HPSE2: variants seen among roughly 807,000 people sequenced by gnomAD.
HPSE2 encodes heparanase 2 (inactive), also known as inactive heparanase-2.
Under a neutral mutation model 60.5 loss-of-function variants are expected in HPSE2, and 38 were observed. That is an observed-to-expected ratio of 0.63 (90% CI 0.48 to 0.82). The LOEUF is 0.82. Among genes scored for constraint, HPSE2 ranks in the 40% least tolerant of loss-of-function variants. The pLI, the probability that HPSE2 is intolerant of heterozygous loss-of-function variation, is 0.00. For missense variants in HPSE2, 713 were observed against 740.4 expected, an observed-to-expected ratio of 0.96 and a Z score of 0.43; for synonymous variants, 295 against 293.2, an observed-to-expected ratio of 1.01 and a Z score of -0.06.
chr10:98,561,824 G>A (rs916889889), intron 9 of HPSE2, among the ~76,000 whole-genome samples: 2 of 151,238 alleles, frequency 1.3e-5, no homozygotes, highest in African/African-American at 4.9e-5. Context: ...CTGTAGCCTG[G>A]GCGATAGAGC....
chr10:99,000,648 G>A (rs1471587667), intron 3 of HPSE2, among the ~76,000 whole-genome samples: 1 of 152,080 alleles, frequency 6.6e-6, no homozygotes, highest in Non-Finnish European at 1.5e-5. Context: ...ATTCAGGCAA[G>A]TAATTAGGAA....
chr10:98,887,317 C>T (rs369689433), intron 3 of HPSE2, among the ~76,000 whole-genome samples: 1 of 152,108 alleles, frequency 6.6e-6, no homozygotes, highest in Non-Finnish European at 1.5e-5. Flanking sequence ...GGCCTACTAG[C>T]TCCACTATTG....
At chr10:99,313,019 C>T in the HPSE2 span, among the ~76,000 whole-genome samples, 2 of 152,192 alleles carry the variant, frequency 1.3e-5, no homozygotes, top group Non-Finnish European at 2.9e-5. Flanking sequence ...ATCCTGTTCC[C>T]TCTTCACCTT....
chr10:98,880,891 T>C (rs760960902), intron 3 of HPSE2, among the ~76,000 whole-genome samples: 6 of 152,076 alleles, frequency 3.9e-5, no homozygotes, highest in Non-Finnish European at 8.8e-5. Context: ...TTTCTTAGTT[T>C]GTTTTGTCAG....
intron 3 of HPSE2, among the ~76,000 whole-genome samples, chr10:98,806,183 A>G (rs1285573473): frequency 1.3e-5 from 2 of 152,210 alleles, no homozygotes; most frequent in African/African-American, 4.8e-5. Context: ...TGATCACCAG[A>G]ACTCTATTAG....
intron 11 of HPSE2, among the ~76,000 whole-genome samples, chr10:98,473,609 A>G (rs778875868): frequency 1.4e-4 from 21 of 152,118 alleles, no homozygotes; most frequent in Non-Finnish European, 2.4e-4. Context: ...AGTGGATTCT[A>G]AGGTGAGCAA....
At chr10:99,031,512 G>A (rs1200289619) in intron 3 of HPSE2, among the ~76,000 whole-genome samples, 2 of 152,126 alleles carry the variant, frequency 1.3e-5, no homozygotes, top group Non-Finnish European at 2.9e-5. Flanking sequence ...CTCTCTATGA[G>A]ATAGACACAT....
intron 3 of HPSE2, among the ~76,000 whole-genome samples, chr10:98,854,732 C>G (rs1442790624): frequency 2.7e-5 from 4 of 146,704 alleles, no homozygotes; most frequent in Non-Finnish European, 1.5e-5. Context: ...TCCATGGGCA[C>G]TAAGAGAGAG....
At chr10:99,285,433 A>T in the HPSE2 span, among the ~76,000 whole-genome samples, 1 of 144,378 alleles carries the variant, frequency 6.9e-6, no homozygotes, top group African/African-American at 2.6e-5. Flanking sequence ...CTATCTCAAT[A>T]AAAAAAAAGA....
intron 9 of HPSE2, among the ~76,000 whole-genome samples, chr10:98,596,580 A>G (rs952924500): frequency 1.3e-5 from 2 of 151,332 alleles, no homozygotes; most frequent in African/African-American, 4.9e-5. Context: ...TCTATCTTTC[A>G]TTTATTTCTG....
chr10:98,641,752 T>C (rs576844331), intron 7 of HPSE2, 95 bp downstream of exon 7: 36 of 916,778 alleles, frequency 3.9e-5, no homozygotes, highest in African/African-American at 2.4e-4. Context: ...TCTACTCTGG[T>C]TCCCACAGTG....
chr10:98,930,357 T>A (rs1325867699), intron 3 of HPSE2, among the ~76,000 whole-genome samples: 1 of 144,542 alleles, frequency 6.9e-6, no homozygotes, highest in Non-Finnish European at 1.5e-5. Flanking sequence ...GGTGTATATA[T>A]ACCACAGTTT....
rs184006548 is a variant in HPSE2 at position 98,630,298 on chromosome 10, C to T, written c.1099-9590G>A. Reference sequence around the variant, plus strand: ...CTGCAAGCTCCGCCTCCCAGGTTCACGCCATTCTTCTGCCTCAGCCTCCCC... The same window carrying T: ...CTGCAAGCTCCGCCTCCCAGGTTCATGCCATTCTTCTGCCTCAGCCTCCCC... On this transcript the variant is annotated intron_variant, in intron 7 of 11. Coordinates refer to ENST00000370552, the MANE Select transcript of HPSE2 (RefSeq NM_021828.5). Among the ~76,000 whole-genome samples, 853 of 151,452 alleles carry T rather than the reference C, an allele frequency of 5.6e-3. 6 individuals carry two copies. Among genetic ancestry groups the T allele is most frequent in the African/African-American group, 0.02 (814 of 41,300 alleles).
At chr10:99,119,079 GAGAA>G (rs774662731) in intron 3 of HPSE2, among the ~76,000 whole-genome samples, 6 of 113,520 alleles carry the variant, frequency 5.3e-5, no homozygotes, top group South Asian at 3.8e-4. Context: ...AAGAAAGAAA[GAGAA>G]AGAAAGAGAG....
rs1564832815 is a variant in HPSE2, at chr10:99,132,196, AGAGAGAG to A, written c.610+12035_610+12041del. Among the ~76,000 whole-genome samples the A allele has an allele frequency of 5.2e-3, 224 of 43,446 alleles. 10 individuals are homozygous for A. The highest frequency in any genetic ancestry group is 0.028 in the Middle Eastern group (3 of 106). The allele number at this position is 43,446 out of a possible 152,430, so 28.5% of individuals were successfully genotyped here. A position where few individuals can be genotyped will look rare whatever the true frequency, so the allele number is the denominator to read the frequency against. Reference sequence around the variant, plus strand: ...AAGAAAGAAAGAAAGAAAGAAAGAGAGAGAGAGAGAGAGAGAGAGAGAGAGAGAGAGA... The same window carrying A: ...AAGAAAGAAAGAAAGAAAGAAAGAGAAGAGAGAGAGAGAGAGAGAGAGAGA... On this transcript the variant is annotated intron_variant, in intron 3 of 11. Coordinates refer to ENST00000370552, the MANE Select transcript of HPSE2 (RefSeq NM_021828.5).
At chr10:98,990,236 G>A (rs538853787) in intron 3 of HPSE2, among the ~76,000 whole-genome samples, 1 of 152,162 alleles carries the variant, frequency 6.6e-6, no homozygotes, top group African/African-American at 2.4e-5. Context: ...TGGTCTCTGT[G>A]CAGTCAAACT....
rs538663912 is a variant in HPSE2, at chr10:99,154,992, A to C, written c.449-10593T>G. 4.0e-5 allele frequency among the ~76,000 whole-genome samples: 6 copies of C among 151,160 alleles called. No homozygotes were observed. In the South Asian group the frequency reaches 1.3e-3, roughly 32 times the overall value. Reference sequence around the variant, plus strand: ...AACAGACTTAAAACCAACAAAGATCAAAAGAGACAAAGAAGGACATTACAT... The same window carrying C: ...AACAGACTTAAAACCAACAAAGATCCAAAGAGACAAAGAAGGACATTACAT... On this transcript the variant is annotated intron_variant, in intron 2 of 11. Coordinates refer to ENST00000370552, the MANE Select transcript of HPSE2 (RefSeq NM_021828.5).
At chr10:98,565,667 T>C (rs921287001) in intron 9 of HPSE2, among the ~76,000 whole-genome samples, 1 of 152,202 alleles carries the variant, frequency 6.6e-6, no homozygotes, top group Non-Finnish European at 1.5e-5. Context: ...AGTAGAATGA[T>C]TTATATTCCT....
At chr10:99,190,505 A>T (rs1428746435) in intron 2 of HPSE2, among the ~76,000 whole-genome samples, 1 of 152,248 alleles carries the variant, frequency 6.6e-6, no homozygotes, top group Non-Finnish European at 1.5e-5. Flanking sequence ...ACTCGTCCAC[A>T]CAGTTAGAGT....
Sources: allele counts gnomAD v4.1 joint callset (sites outside exome capture counted in the v4.1 genomes callset), GRCh38; gene constraint gnomAD v4.1.1; transcripts MANE v1.5; gene names NCBI Gene and HGNC (gene_info 2026-07-23, HGNC 2026-07-21).